The following GRM7 variants were observed in gnomAD, a reference collection of about 807,000 sequenced individuals.
GRM7 encodes glutamate metabotropic receptor 7.
In GRM7, 35 loss-of-function variants were observed where a neutral mutation model predicts 84.5. That is an observed-to-expected ratio of 0.41 (90% CI 0.32 to 0.55). GRM7 has a LOEUF of 0.55. Among genes scored for constraint, GRM7 ranks in the 20% least tolerant of loss-of-function variants. The pLI is 0.19. For synonymous variants in GRM7, 487 were observed against 455.1 expected (o/e 1.07, Z -0.89); for missense variants, 1,003 against 1,194.6 (o/e 0.84, Z 2.36).
chr3:7,478,900 G>A (rs1354983189), intron 7 of GRM7, among the ~76,000 whole-genome samples: 1 of 152,000 alleles, frequency 6.6e-6, no homozygotes, highest in Non-Finnish European at 1.5e-5. Context: ...ATTCTTAATT[G>A]GTCCCTATGC....
Position 7,460,390 on chromosome 3 carries a change from AT to A in GRM7, c.1376-1182del, listed in dbSNP as rs3840245. Among the ~76,000 whole-genome samples, 466 of 149,886 alleles carry A rather than the reference AT, an allele frequency of 3.1e-3. 1 individual carries two copies. Among genetic ancestry groups the A allele is most frequent in the African/African-American group, 9.8e-3 (398 of 40,796 alleles). On this transcript the variant is annotated intron_variant, in intron 6 of 9. Coordinates refer to ENST00000357716, the MANE Select transcript of GRM7 (RefSeq NM_000844.4). ...TTTAATTTCTCTGTCACTATAAACAATTTTTTTTTTTATTTTCCAAACAGCA... is the reference window on the plus strand; with the variant it reads ...TTTAATTTCTCTGTCACTATAAACAATTTTTTTTTTATTTTCCAAACAGCA...
At chr3:7,348,421 T>C (rs1475832415) in intron 4 of GRM7, among the ~76,000 whole-genome samples, 1 of 152,172 alleles carries the variant, frequency 6.6e-6, no homozygotes, top group Non-Finnish European at 1.5e-5. Context: ...CAGGAAAATT[T>C]CTTTTATTTT....
intron 9 of GRM7, among the ~76,000 whole-genome samples, chr3:7,717,318 C>T (rs1270581988): frequency 6.6e-6 from 1 of 151,832 alleles, no homozygotes; most frequent in Non-Finnish European, 1.5e-5. Context: ...TAGACAGAAC[C>T]ACAGCACAAC....
intron 1 of GRM7, among the ~76,000 whole-genome samples, chr3:6,945,966 G>C (rs1313354307): frequency 6.6e-6 from 1 of 152,070 alleles, no homozygotes; most frequent in African/African-American, 2.4e-5. Context: ...TTAGCCCTTT[G>C]TCAGATGAGT....
chr3:7,310,369 A>G (rs1175685745), intron 4 of GRM7, among the ~76,000 whole-genome samples: 1 of 152,226 alleles, frequency 6.6e-6, no homozygotes, highest in Non-Finnish European at 1.5e-5. Context: ...CTTTTTAAAA[A>G]TAATAGTAAT....
chr3:7,456,679 C>T (rs1177667463), intron 6 of GRM7, among the ~76,000 whole-genome samples: 1 of 119,466 alleles, frequency 8.4e-6, no homozygotes, highest in Non-Finnish European at 1.9e-5. Context: ...TCAGGAAGGG[C>T]TAATTTTCTC....
intron 1 of GRM7, among the ~76,000 whole-genome samples, chr3:6,964,932 T>G (rs1693455995): frequency 6.6e-6 from 1 of 152,196 alleles, no homozygotes; most frequent in Non-Finnish European, 1.5e-5. Flanking sequence ...GTTTGATAAT[T>G]GACTGGGTGC....
intron 1 of GRM7, among the ~76,000 whole-genome samples, chr3:6,896,566 G>A (rs1163571691): frequency 1.3e-5 from 2 of 152,134 alleles, no homozygotes; most frequent in Non-Finnish European, 2.9e-5. Flanking sequence ...CATCATCAGT[G>A]TGGCCTGATT....
chr3:7,481,823 CCTG>C (rs1699141352), intron 7 of GRM7, among the ~76,000 whole-genome samples: 1 of 152,154 alleles, frequency 6.6e-6, no homozygotes, highest in Admixed American at 6.5e-5. Context: ...TGCAAACTGT[CCTG>C]CTGTGCACTG....
chr3:7,527,766 C>G (rs1442635009), intron 7 of GRM7, among the ~76,000 whole-genome samples: 1 of 151,930 alleles, frequency 6.6e-6, no homozygotes, highest in East Asian at 1.9e-4. Flanking sequence ...AATTTGTTTT[C>G]TGTGCCTATT....
Position 7,384,861 on chromosome 3 carries a change from C to G in GRM7, c.1034-30162C>G, listed in dbSNP as rs142463551. Among the ~76,000 whole-genome samples, 606 of 152,296 alleles carry G rather than the reference C, an allele frequency of 4.0e-3. 2 individuals carry two copies. The highest frequency in any genetic ancestry group is 0.014 in the African/African-American group (574 of 41,560). On this transcript the variant is annotated intron_variant, in intron 4 of 9. Transcript: ENST00000357716. The stretch of plus-strand genomic sequence containing the variant: ...CTGATCAAAAAAACTGGCCACACTT[C>G]CCCTCTCTCTTTCCTCCAAAAAGTG...
intron 8 of GRM7, among the ~76,000 whole-genome samples, chr3:7,619,304 G>A (rs796368208): frequency 1.3e-5 from 2 of 152,240 alleles, no homozygotes; most frequent in African/African-American, 4.8e-5. Context: ...TGGAAGAATT[G>A]GGATGTTACT....
intron 4 of GRM7, among the ~76,000 whole-genome samples, chr3:7,347,721 A>G (rs1692953662): frequency 6.6e-6 from 1 of 152,238 alleles, no homozygotes; most frequent in African/African-American, 2.4e-5. Flanking sequence ...CGTCTTCATT[A>G]TTCTTTCCAT....
chr3:6,873,580 T>C (rs1308764124), intron 1 of GRM7, among the ~76,000 whole-genome samples: 1 of 152,190 alleles, frequency 6.6e-6, no homozygotes, highest in Non-Finnish European at 1.5e-5. Flanking sequence ...TTAAATGAGG[T>C]TCTTCATGGC....
At chr3:7,580,180 C>T (rs765488450) in intron 8 of GRM7, among the ~76,000 whole-genome samples, 3 of 152,192 alleles carry the variant, frequency 2.0e-5, no homozygotes, top group Non-Finnish European at 4.4e-5. Flanking sequence ...GACTCCTATA[C>T]TCACCCACGT....
chr3:7,403,127 A>T, intron 4 of GRM7: 1 of 446,078 alleles, frequency 2.2e-6, no homozygotes, highest in Non-Finnish European at 4.5e-6. Context: ...ACAATGCACA[A>T]TAATTTTCTG....
intron 1 of GRM7, among the ~76,000 whole-genome samples, chr3:7,083,480 T>A (rs1337774188): frequency 1.3e-5 from 2 of 152,124 alleles, no homozygotes; most frequent in Admixed American, 6.5e-5. Flanking sequence ...CTGGAGCCAA[T>A]TCTACAATAT....
intron 1 of GRM7, among the ~76,000 whole-genome samples, chr3:6,957,366 G>T (rs2125077044): frequency 6.6e-6 from 1 of 152,266 alleles, no homozygotes; most frequent in East Asian, 1.9e-4. Flanking sequence ...AAGCCCCGGT[G>T]TGATGTGTGG....
intron 9 of GRM7, among the ~76,000 whole-genome samples, chr3:7,713,867 T>C (rs1701683094): frequency 6.8e-6 from 1 of 147,442 alleles, no homozygotes. Context: ...CACCCACTCA[T>C]TGCCTGGGAA....
Sources: gnomAD v4.1 joint callset for allele counts (sites outside exome capture counted in the v4.1 genomes callset) on GRCh38, gnomAD v4.1.1 for gene constraint, MANE v1.5 for transcripts, NCBI Gene and HGNC (gene_info 2026-07-23, HGNC 2026-07-21) for gene names.